Variants in ZNF521 observed in about 807,000 individuals in gnomAD.
The protein encoded by ZNF521 is LYST-interacting protein 3.
ZNF521 carries 14 observed loss-of-function variants against 105.5 expected under a neutral mutation model. The ratio of observed to expected loss-of-function variants is 0.13; its 90% CI spans 0.09 to 0.21. ZNF521 has a LOEUF of 0.21. Ranked by LOEUF, ZNF521 falls within the 10% of genes least tolerant of loss-of-function variation. The pLI, the probability that ZNF521 is intolerant of heterozygous loss-of-function variation, is 1.00. For synonymous variants in ZNF521, 635 were observed against 606.0 expected, an observed-to-expected ratio of 1.05 and a Z score of -0.70; for missense variants, 1,233 against 1,629.7, an observed-to-expected ratio of 0.76 and a Z score of 4.19.
intron 3 of ZNF521, among the ~76,000 whole-genome samples, chr18:25,307,490 T>C (rs931269372): frequency 5.3e-5 from 8 of 152,212 alleles, no homozygotes; most frequent in African/African-American, 1.9e-4. Flanking sequence ...CAGAGCAGTC[T>C]GAAAAATGCA....
intron 3 of ZNF521, among the ~76,000 whole-genome samples, chr18:25,319,532 G>A (rs1912821898): frequency 6.6e-6 from 1 of 151,506 alleles, no homozygotes; most frequent in Non-Finnish European, 1.5e-5. Context: ...GGAGGCAGAG[G>A]TTGCAGTGAG....
chr18:25,339,985 G>T (rs1056803751), intron 2 of ZNF521, among the ~76,000 whole-genome samples: 1 of 152,186 alleles, frequency 6.6e-6, no homozygotes, highest in African/African-American at 2.4e-5. Flanking sequence ...TGCAGGAAAA[G>T]AATACCAGCA....
chr18:25,112,768 G>C (rs1460212794), intron 5 of ZNF521, among the ~76,000 whole-genome samples: 2 of 152,012 alleles, frequency 1.3e-5, no homozygotes, highest in Non-Finnish European at 2.9e-5. Context: ...TGCAAAACTT[G>C]GTTGCACTTC....
chr18:25,062,774 A>AAAAAAAAAAAAG, intron 7 of ZNF521, 33 bp from the exon 8 acceptor site: 4 of 1,373,820 alleles, frequency 2.9e-6, no homozygotes, highest in South Asian at 2.6e-5. Flanking sequence ...AAAAAAAAAA[A>AAAAAAAAAAAAG]AAAAAAAAAA....
chr18:25,143,759 T>C (rs146866628), intron 5 of ZNF521, among the ~76,000 whole-genome samples: 205 of 152,294 alleles, frequency 1.3e-3, no homozygotes, highest in African/African-American at 4.7e-3. Flanking sequence ...TAACTATCCA[T>C]AATAAATTCA....
rs950458054 is a variant in ZNF521 at position 25,132,192 on chromosome 18, C to T, written c.3659-40111G>A. Among the ~76,000 whole-genome samples, 40 of 152,160 alleles carry T rather than the reference C, an allele frequency of 2.6e-4. 1 individual carries two copies. The highest frequency in any genetic ancestry group is 2.9e-5 in the Non-Finnish European group (2 of 68,022). ...AACATTTTTCTGGGAAAAGGATCTT[C>T]ATCACAAACTACAAATCTTTGAATA... On this transcript the variant is annotated intron_variant, in intron 5 of 7. Coordinates refer to ENST00000361524, the MANE Select transcript of ZNF521 (RefSeq NM_015461.3).
intron 4 of ZNF521, among the ~76,000 whole-genome samples, chr18:25,210,920 A>G (rs1013978567): frequency 6.6e-6 from 1 of 152,238 alleles, no homozygotes; most frequent in African/African-American, 2.4e-5. Flanking sequence ...ATATTTGTAT[A>G]AAGCTTCTCC....
intron 3 of ZNF521, among the ~76,000 whole-genome samples, chr18:25,234,428 T>C (rs191695820): frequency 5.6e-4 from 85 of 152,314 alleles, no homozygotes; most frequent in Non-Finnish European, 1.6e-4. Flanking sequence ...TTTAAAGCAG[T>C]TTTTCATTGC....
intron 3 of ZNF521, among the ~76,000 whole-genome samples, chr18:25,272,345 A>G (rs756416066): frequency 6.6e-6 from 1 of 152,192 alleles, no homozygotes; most frequent in Non-Finnish European, 1.5e-5. Context: ...ATTGTGGAAG[A>G]CAGTGTAGCG....
chr18:25,208,033 G>A (rs1186165989), intron 4 of ZNF521, among the ~76,000 whole-genome samples: 2 of 151,416 alleles, frequency 1.3e-5, no homozygotes, highest in African/African-American at 4.8e-5. Context: ...GGAAAGCACC[G>A]TGATTTTTTT....
chr18:25,129,217 A>C (rs1359322835), intron 5 of ZNF521, among the ~76,000 whole-genome samples: 1 of 149,074 alleles, frequency 6.7e-6, no homozygotes, highest in East Asian at 2.0e-4. Context: ...TTTCCTAAAC[A>C]AATGATGCTA....
intron 5 of ZNF521, among the ~76,000 whole-genome samples, chr18:25,120,881 G>A (rs750477102): frequency 6.6e-6 from 1 of 152,014 alleles, no homozygotes; most frequent in Non-Finnish European, 1.5e-5. Flanking sequence ...CCTTCACTCT[G>A]CAGTAAGACA....
chr18:25,261,434 A>G (rs1179311871), intron 3 of ZNF521, among the ~76,000 whole-genome samples: 3 of 152,140 alleles, frequency 2.0e-5, no homozygotes, highest in Non-Finnish European at 2.9e-5. Context: ...TGCTTGGCAC[A>G]TTAAAGGGGC....
chr18:25,249,524 C>G (rs184344436), intron 3 of ZNF521, among the ~76,000 whole-genome samples: 42 of 151,210 alleles, frequency 2.8e-4, no homozygotes, highest in African/African-American at 8.7e-4. Flanking sequence ...GGCAGTGGCA[C>G]GATCTTGGCT....
At chr18:25,133,763 G>C (rs936129230) in intron 5 of ZNF521, among the ~76,000 whole-genome samples, 9 of 151,948 alleles carry the variant, frequency 5.9e-5, no homozygotes, top group Non-Finnish European at 1.3e-4. Flanking sequence ...GCTGCTGATT[G>C]AACAATAGTT....
At chr18:25,092,959 T>C (rs914938138) in intron 5 of ZNF521, among the ~76,000 whole-genome samples, 1 of 152,172 alleles carries the variant, frequency 6.6e-6, no homozygotes, top group African/African-American at 2.4e-5. Flanking sequence ...CATTGTGCAA[T>C]TGTAAGGTAT....
At chr18:25,270,275 G>A (rs545795960) in intron 3 of ZNF521, among the ~76,000 whole-genome samples, 1 of 152,046 alleles carries the variant, frequency 6.6e-6, no homozygotes, top group Non-Finnish European at 1.5e-5. Context: ...GAAACTGAGG[G>A]AGTAATTAAT....
chr18:25,226,498 C>A lies in ZNF521; in HGVS notation c.1420G>T (p.Ala474Ser), dbSNP rs768916972. ...CAGAAGTTACACTGGTAGACAATGGCAGGCATGGCAGAAACAATCAGACCT... is the reference window on the plus strand; with the variant it reads ...CAGAAGTTACACTGGTAGACAATGGAAGGCATGGCAGAAACAATCAGACCT... ...DPGLIVSAMP[A>S]IVYQCNFCSE... is the part of the protein sequence containing the mutation. Residue 474 changes from alanine (A) to serine (S), a missense_variant, in exon 4 of 8, where the codon GCC (alanine) becomes TCC (serine). Ala to Ser is a moderately conservative substitution (Grantham distance 99). Transcript: ENST00000361524. This position sits in a 1 kb window ranked among gnomAD's most constrained non-coding sequence, Gnocchi z 4.1. 6.2e-7 allele frequency: 1 copy of A among 1,614,132 alleles called. No individual in the cohort carries two copies. The highest frequency in any genetic ancestry group is 8.5e-7 in the Non-Finnish European group (1 of 1,180,018).
At chr18:25,113,747 C>A (rs1461037932) in intron 5 of ZNF521, among the ~76,000 whole-genome samples, 1 of 146,124 alleles carries the variant, frequency 6.8e-6, no homozygotes, top group East Asian at 2.1e-4. Flanking sequence ...GGCAGGCAGA[C>A]CGAAGGACGG....
Sources: allele counts gnomAD v4.1 joint callset (sites outside exome capture counted in the v4.1 genomes callset), GRCh38; gene constraint gnomAD v4.1.1; non-coding constraint Gnocchi (gnomAD v3.1); transcripts MANE v1.5; gene names NCBI Gene and HGNC (gene_info 2026-07-23, HGNC 2026-07-21).